Variants in AHRR observed in about 807,000 individuals in gnomAD.
The protein encoded by AHRR is ahR repressor.
AHRR carries 28 observed loss-of-function variants against 44.0 expected under a neutral mutation model. The observed-to-expected ratio is 0.64, with a 90% CI of 0.47 to 0.87. The LOEUF is 0.87. AHRR is among the 40% of genes least tolerant of loss of function. The pLI is 0.00. For missense variants in AHRR, 990 were observed against 953.9 expected, an observed-to-expected ratio of 1.04 and a Z score of -0.50; for synonymous variants, 434 against 407.0, an observed-to-expected ratio of 1.07 and a Z score of -0.80.
rs555405361 is a variant in AHRR at position 422,652 on chromosome 5, T to C, written c.442-77T>C. 12 of 1,601,676 alleles carry C rather than the reference T, an allele frequency of 7.5e-6. No homozygotes were observed. In the East Asian group the frequency reaches 2.7e-4, roughly 36 times the overall value. On this transcript the variant is annotated intron_variant, in intron 5 of 10. Coordinates refer to ENST00000684583, the MANE Select transcript of AHRR (RefSeq NM_001377236.1). ...CTTTGACAAGTGGAGTGGAAATTTTTCGGTTACTCGTCGGTGGAATAAAGT... is the reference window on the plus strand; with the variant it reads ...CTTTGACAAGTGGAGTGGAAATTTTCCGGTTACTCGTCGGTGGAATAAAGT...
intron 4 of AHRR, among the ~76,000 whole-genome samples, chr5:394,684 C>T (rs1342805786): frequency 6.6e-6 from 1 of 152,224 alleles, no homozygotes; most frequent in African/African-American, 2.4e-5. Context: ...TTGCTTGGCT[C>T]CACTTTCCTG....
At chr5:424,879 G>A (rs1042164277) in intron 7 of AHRR, among the ~76,000 whole-genome samples, 1 of 152,204 alleles carries the variant, frequency 6.6e-6, no homozygotes, top group Non-Finnish European at 1.5e-5. Flanking sequence ...CAGGGCAAAG[G>A]CCTCCCACCC....
chr5:368,862 T>C (rs1743466158), intron 3 of AHRR, among the ~76,000 whole-genome samples: 1 of 152,238 alleles, frequency 6.6e-6, no homozygotes, highest in Admixed American at 6.5e-5. Context: ...CATTTTGCAC[T>C]GTGAGGAAGT....
Position 404,784 on chromosome 5 carries a change from TA to T in AHRR, c.352-8559del, listed in dbSNP as rs1735188234. On this transcript the variant is annotated intron_variant, in intron 4 of 10. Transcript: ENST00000684583. This position sits in a 1 kb window ranked among gnomAD's most constrained non-coding sequence, Gnocchi z 4.1. ...GCTGGATGAGAAGGTGTTATGTTTT[TA>T]GGTGAAAATCGGAGGTGGCGCAGGA... 6.6e-6 allele frequency among the ~76,000 whole-genome samples: 1 copy of T among 152,148 alleles called. No individual in the cohort carries two copies. Among genetic ancestry groups the T allele is most frequent in the Non-Finnish European group, 1.5e-5 (1 of 68,022 alleles).
intron 4 of AHRR, among the ~76,000 whole-genome samples, chr5:378,855 A>G (rs1437206327): frequency 3.3e-5 from 5 of 152,202 alleles, no homozygotes; most frequent in African/African-American, 1.2e-4. Context: ...ATGCTGTCTC[A>G]CTGACTGCTT....
intron 3 of AHRR, among the ~76,000 whole-genome samples, chr5:375,621 C>T (rs78061136): frequency 1.3e-3 from 194 of 152,338 alleles, no homozygotes; most frequent in East Asian, 5.4e-3. Context: ...TCTGCCTGAG[C>T]GGACACCACC....
At chr5:417,738 A>G (rs1277260745) in intron 5 of AHRR, among the ~76,000 whole-genome samples, 1 of 152,264 alleles carries the variant, frequency 6.6e-6, no homozygotes, top group Non-Finnish European at 1.5e-5. Flanking sequence ...AGTTAAAAAA[A>G]AAAAGTTTTG....
At chr5:354,047 C>A in intron 3 of AHRR, 136 bp downstream of exon 3, 1 of 958,208 alleles carries the variant, frequency 1.0e-6, no homozygotes, top group African/African-American at 1.6e-5. Context: ...CCCACGCTGC[C>A]CCCAGAACCT....
intron 1 of AHRR, chr5:322,793 C>A (rs1240993026): frequency 6.6e-6 from 1 of 152,258 alleles, no homozygotes; most frequent in Non-Finnish European, 1.5e-5. Flanking sequence ...CCACGAGTAA[C>A]AAGAACTGGA....
At position 406,228 on chromosome 5, in the gene AHRR, C is replaced by G. The variant is rs1022428638; in HGVS notation, c.352-7116C>G. 1.3e-5 allele frequency among the ~76,000 whole-genome samples: 2 copies of G among 152,230 alleles called. No homozygotes were observed. Among genetic ancestry groups the G allele is most frequent in the African/African-American group, 4.8e-5 (2 of 41,444 alleles). ...CTGGGGACTTCTGCTGCCCCCAGCC[C>G]CCCTTCCTTCCAGCCAGTGGCTCTG... On this transcript the variant is annotated intron_variant, in intron 4 of 10. Coordinates refer to ENST00000684583, the MANE Select transcript of AHRR (RefSeq NM_001377236.1). This position sits in a 1 kb window ranked among gnomAD's most constrained non-coding sequence, Gnocchi z 4.7.
chr5:376,557 A>AACGCGGGGAAACACAGGAGAGAT, intron 3 of AHRR, 53 bp from the exon 4 acceptor site: 1 of 1,423,182 alleles, frequency 7.0e-7, no homozygotes, highest in Non-Finnish European at 9.5e-7. Context: ...AATGAAGAAG[A>AACGCGGGGAAACACAGGAGAGAT]GTGGCCAGGC....
At chr5:368,362 C>A (rs76525374) in intron 3 of AHRR, among the ~76,000 whole-genome samples, 2 of 152,026 alleles carry the variant, frequency 1.3e-5, no homozygotes, top group East Asian at 3.9e-4. Context: ...CAGTGTTGAC[C>A]GCTCACTCAT....
At chr5:389,543 AG>A (rs1734317787) in intron 4 of AHRR, among the ~76,000 whole-genome samples, 1 of 152,104 alleles carries the variant, frequency 6.6e-6, no homozygotes, top group African/African-American at 2.4e-5. Flanking sequence ...TTAGCCACCC[AG>A]GTCCCCCCAT....
At chr5:336,162 G>A (rs894673914) in intron 1 of AHRR, among the ~76,000 whole-genome samples, 4 of 152,174 alleles carry the variant, frequency 2.6e-5, no homozygotes, top group African/African-American at 7.2e-5. Flanking sequence ...CCCTAAATCC[G>A]ATGCAGATTT....
chr5:415,614 C>CCGAATCTCCCTGGTCGGGT (rs1735745120), intron 5 of AHRR, among the ~76,000 whole-genome samples: 31 of 66,362 alleles, frequency 4.7e-4, no homozygotes, highest in Admixed American at 8.6e-4. Flanking sequence ...CCTGGTGGGG[C>CCGAATCTCCCTGGTCGGGT]GGGAGGCCTA....
chr5:413,524 G>A (rs2672731), intron 5 of AHRR, 91 bp downstream of exon 5: 109 of 982,146 alleles, frequency 1.1e-4, no homozygotes, highest in Middle Eastern at 2.1e-4. Context: ...TTGATAATGT[G>A]TAAAATCAGG....
intron 2 of AHRR, among the ~76,000 whole-genome samples, chr5:345,511 G>A (rs1174136809): frequency 1.9e-5 from 2 of 106,980 alleles, no homozygotes; most frequent in African/African-American, 7.6e-5. Flanking sequence ...GGGGGGAGGG[G>A]GTGTGTGTGT....
rs1039929844 is a variant in AHRR, at chr5:395,326, G to A, written c.352-18018G>A. On this transcript the variant is annotated intron_variant, in intron 4 of 10. Coordinates refer to ENST00000684583, the MANE Select transcript of AHRR (RefSeq NM_001377236.1). This position sits in a 1 kb window ranked among gnomAD's most constrained non-coding sequence, Gnocchi z 5.3. Reference sequence around the variant, plus strand: ...CCCCGGTGGTGGGATGCAGTTAGCTGAACGCCAGGCTGAGCAGGGTCCGAA... The same window carrying A: ...CCCCGGTGGTGGGATGCAGTTAGCTAAACGCCAGGCTGAGCAGGGTCCGAA... 4.6e-5 allele frequency among the ~76,000 whole-genome samples: 7 copies of A among 152,318 alleles called. No homozygotes were observed. The highest frequency in any genetic ancestry group is 8.8e-5 in the Non-Finnish European group (6 of 68,026).
At chr5:329,880 G>GT (rs1173758605) in intron 1 of AHRR, among the ~76,000 whole-genome samples, 5 of 151,974 alleles carry the variant, frequency 3.3e-5, no homozygotes, top group Non-Finnish European at 5.9e-5. Flanking sequence ...GAATCTTTAG[G>GT]TTTTTTTAGA....
Sources: gnomAD v4.1 joint callset for allele counts (sites outside exome capture counted in the v4.1 genomes callset) on GRCh38, gnomAD v4.1.1 for gene constraint, Gnocchi (gnomAD v3.1) non-coding constraint, MANE v1.5 for transcripts, NCBI Gene and HGNC (gene_info 2026-07-23, HGNC 2026-07-21) for gene names.